SHOX: variants seen among roughly 807,000 people sequenced by gnomAD.
The protein encoded by SHOX is SHOX homeobox.
In SHOX, 12 loss-of-function variants were observed where a neutral mutation model predicts 29.6. That is an observed-to-expected ratio of 0.41 (90% CI 0.26 to 0.66). The LOEUF (loss-of-function observed/expected upper bound fraction) is 0.66, where lower values mean the gene tolerates loss of function less well. Among genes scored for constraint, SHOX ranks in the 30% least tolerant of loss-of-function variants. SHOX has a pLI of 0.35. For missense variants in SHOX, 499 were observed against 437.7 expected, an observed-to-expected ratio of 1.14 and a Z score of -1.25; for synonymous variants, 214 against 200.6, an observed-to-expected ratio of 1.07 and a Z score of -0.57.
chrX:655,268 C>T (rs192445564), downstream of SHOX, among the ~76,000 whole-genome samples: 464 of 151,462 alleles, frequency 3.1e-3, 4 homozygotes, highest in Non-Finnish European at 5.0e-3. Context: ...CCACCACGCC[C>T]GGCTAATTTT....
chrX:636,758 AAT>A (rs772559671), intron 2 of SHOX, among the ~76,000 whole-genome samples: 3 of 129,288 alleles, frequency 2.3e-5, no homozygotes, highest in East Asian at 2.1e-4. Context: ...TACATATAAA[AAT>A]ATATATATTA....
chrX:636,357 CAT>C (rs1238391928), intron 2 of SHOX, among the ~76,000 whole-genome samples: 2 of 85,004 alleles, frequency 2.4e-5, no homozygotes, highest in African/African-American at 4.3e-5. Flanking sequence ...AATATATAAA[CAT>C]ATATAAATAT....
chrX:640,408 T>A (rs1382736692), intron 2 of SHOX, among the ~76,000 whole-genome samples: 1 of 150,776 alleles, frequency 6.6e-6, no homozygotes, highest in East Asian at 2.0e-4. Context: ...TGAAACCGCG[T>A]CTCTACTAAA....
downstream of SHOX, among the ~76,000 whole-genome samples, chrX:651,748 T>C (rs1381800055): frequency 1.3e-5 from 2 of 151,608 alleles, no homozygotes; most frequent in Non-Finnish European, 2.9e-5. Flanking sequence ...CCCCCAGCCT[T>C]AGATCGGGAG....
At chrX:634,916 C>A (rs932959561) in intron 2 of SHOX, 90 bp downstream of exon 2, 2 of 1,353,328 alleles carry the variant, frequency 1.5e-6, no homozygotes, top group East Asian at 5.1e-5. Context: ...TGCGCCCGGG[C>A]CGCCGCCGTC....
At chrX:635,722 A>G (rs1371360043) in intron 2 of SHOX, among the ~76,000 whole-genome samples, 1 of 152,134 alleles carries the variant, frequency 6.6e-6, no homozygotes, top group Non-Finnish European at 1.5e-5. Context: ...TAAAGGTATG[A>G]GTTTATTTCA....
At position 634,613 on chromosome X, in the gene SHOX, C is replaced by A. The variant is rs757485745; in HGVS notation, c.278-5C>A. On this transcript the variant is annotated splice_region_variant and splice_polypyrimidine_tract_variant and intron_variant, in intron 1 of 4. Transcript: ENST00000686671. ...TCAGCCCTGTGCCCTCCGCTCCCCA[C>A]GCAGGGATTTATGAATGCAAAGAGA... The A allele has an allele frequency of 3.1e-6, 5 of 1,613,372 alleles. No individual in the cohort carries two copies. Among genetic ancestry groups the A allele is most frequent in the Non-Finnish European group, 4.2e-6 (5 of 1,179,832 alleles).
intron 2 of SHOX, among the ~76,000 whole-genome samples, chrX:638,400 G>C (rs1197239975): frequency 6.6e-6 from 1 of 152,142 alleles, no homozygotes; most frequent in African/African-American, 2.4e-5. Context: ...GACAGGCGGA[G>C]AGTCCAGGTG....
At chrX:632,788 A>T (rs2052674027) in intron 1 of SHOX, among the ~76,000 whole-genome samples, 1 of 152,154 alleles carries the variant, frequency 6.6e-6, no homozygotes, top group Non-Finnish European at 1.5e-5. Flanking sequence ...CGGCACTGTA[A>T]TTCATACACA....
upstream of SHOX, among the ~76,000 whole-genome samples, chrX:630,011 C>A (rs1393591876): frequency 6.6e-6 from 1 of 152,074 alleles, no homozygotes; most frequent in Non-Finnish European, 1.5e-5. Context: ...CGCCGGGGTC[C>A]GCCGGGATCT....
rs946733879 is a variant in SHOX at position 649,774 on chromosome X, C to T, written c.*5138C>T. The stretch of plus-strand genomic sequence containing the variant: ...ATGCTGGGTTGGGTCCTGATTGATA[C>T]GTATTTTCTTCCCTCCTCTCCCCAA... On this transcript the variant is annotated 3_prime_UTR_variant, in exon 5 of 5. Coordinates refer to ENST00000686671, the MANE Select transcript of SHOX (RefSeq NM_000451.4). Among the ~76,000 whole-genome samples the T allele has an allele frequency of 8.5e-5, 13 of 152,260 alleles. No homozygotes were observed. The highest frequency in any genetic ancestry group is 3.4e-3 in the Middle Eastern group (1 of 294).
At chrX:635,265 G>C (rs1465495301) in intron 2 of SHOX, among the ~76,000 whole-genome samples, 2 of 152,038 alleles carry the variant, frequency 1.3e-5, no homozygotes, top group East Asian at 1.9e-4. Flanking sequence ...CGAAGCTACA[G>C]ATGCGTTTGA....
chrX:651,607 A>T (rs1255842267), downstream of SHOX, among the ~76,000 whole-genome samples: 4 of 149,948 alleles, frequency 2.7e-5, no homozygotes, highest in South Asian at 6.4e-4. Flanking sequence ...AAAAAAAAAA[A>T]TTCTCAACCT....
upstream of SHOX, among the ~76,000 whole-genome samples, chrX:627,811 G>T (rs944184316): frequency 1.3e-5 from 2 of 152,126 alleles, no homozygotes; most frequent in Admixed American, 6.5e-5. Flanking sequence ...GGGCCTCACG[G>T]GACCCCCCAG....
intron 5 of SHOX, among the ~76,000 whole-genome samples, chrX:657,563 C>G (rs2053164925): frequency 6.6e-6 from 1 of 152,162 alleles, no homozygotes; most frequent in Non-Finnish European, 1.5e-5. Context: ...CCCACACCCC[C>G]ACACACAGGT....
chrX:651,482 C>G lies in SHOX; in HGVS notation c.*6846C>G, dbSNP rs1302800212. The stretch of plus-strand genomic sequence containing the variant: ...CCTCATTCTCCTAACGTTCAATAAT[C>G]TCAATGTTGAGTTGCAGCAACAGAC... On this transcript the variant is annotated 3_prime_UTR_variant, in exon 5 of 5. Coordinates refer to ENST00000686671, the MANE Select transcript of SHOX (RefSeq NM_000451.4). The G allele has an allele frequency of 6.8e-6, 3 of 440,148 alleles. No homozygotes were observed. The highest frequency in any genetic ancestry group is 1.4e-5 in the Non-Finnish European group (3 of 220,962). The allele number at this position is 440,148 out of a possible 1,614,324, so 27.3% of individuals were successfully genotyped here. A position where few individuals can be genotyped will look rare whatever the true frequency, so the allele number is the denominator to read the frequency against.
chrX:631,422 T>C (rs1453439342), intron 1 of SHOX, among the ~76,000 whole-genome samples: 3 of 152,134 alleles, frequency 2.0e-5, no homozygotes, highest in Non-Finnish European at 4.4e-5. Flanking sequence ...GCCGCGCGCG[T>C]GGGCACCGAC....
rs2053031187 is a variant in SHOX at position 650,073 on chromosome X, C to G, written c.*5437C>G. On this transcript the variant is annotated 3_prime_UTR_variant, in exon 5 of 5. Coordinates refer to ENST00000686671, the MANE Select transcript of SHOX (RefSeq NM_000451.4). Reference sequence around the variant, plus strand: ...ATTGCCAAGAGTTAGAAAAATGCACCTTCTCTGGTGGCCGTTGGGGTGTTG... The same window carrying G: ...ATTGCCAAGAGTTAGAAAAATGCACGTTCTCTGGTGGCCGTTGGGGTGTTG... 1 of 453,594 alleles carries G rather than the reference C, an allele frequency of 2.2e-6. No individual in the cohort carries two copies. Among genetic ancestry groups the G allele is most frequent in the South Asian group, 1.6e-5 (1 of 64,100 alleles). The allele number at this position is 453,594 out of a possible 1,614,324, so 28.1% of individuals were successfully genotyped here.
In SHOX at chrX:646,857, AATTGC is replaced by A. The variant is rs1467449306; in HGVS notation, c.*2225_*2229del. On this transcript the variant is annotated 3_prime_UTR_variant, in exon 5 of 5. Transcript: ENST00000686671. ...AGCTGAAATTTTTATCGAAAAGAAG[AATTGC>A]ATTTTGAATCTTTGGGAAGTAGGTT... 1.3e-5 allele frequency: 2 copies of A among 152,162 alleles called. No homozygotes were observed. Among genetic ancestry groups the A allele is most frequent in the Non-Finnish European group, 2.9e-5 (2 of 68,034 alleles). The allele number at this position is 152,162 out of a possible 1,614,324, so 9.4% of individuals were successfully genotyped here. A position where few individuals can be genotyped will look rare whatever the true frequency, so the allele number is the denominator to read the frequency against.
Sources: gnomAD v4.1 joint callset for allele counts (sites outside exome capture counted in the v4.1 genomes callset) on GRCh38, gnomAD v4.1.1 for gene constraint, MANE v1.5 for transcripts, NCBI Gene and HGNC (gene_info 2026-07-23, HGNC 2026-07-21) for gene names.